Variants in NCOA7 observed in about 807,000 individuals in gnomAD.
NCOA7 encodes nuclear receptor coactivator 7.
Under a neutral mutation model 104.3 loss-of-function variants are expected in NCOA7, and 45 were observed. The ratio of observed to expected loss-of-function variants is 0.43; its 90% CI spans 0.34 to 0.55. The LOEUF (loss-of-function observed/expected upper bound fraction) is 0.55, where lower values mean the gene tolerates loss of function less well. Among genes scored for constraint, NCOA7 ranks in the 20% least tolerant of loss-of-function variants. The pLI, the probability that NCOA7 is intolerant of heterozygous loss-of-function variation, is 0.02. For synonymous variants in NCOA7, 398 were observed against 402.3 expected (o/e 0.99, Z 0.13); for missense variants, 1,041 against 1,119.7 (o/e 0.93, Z 1.00).
At chr6:125,927,343 A>G (rs542120240) in intron 13 of NCOA7, among the ~76,000 whole-genome samples, 10 of 152,354 alleles carry the variant, frequency 6.6e-5, no homozygotes, top group African/African-American at 2.4e-4. Flanking sequence ...TGTATATTCA[A>G]TAACAGAAAT....
At chr6:125,899,485 AC>A (rs1485933145) in intron 10 of NCOA7, among the ~76,000 whole-genome samples, 1 of 152,168 alleles carries the variant, frequency 6.6e-6, no homozygotes, top group Non-Finnish European at 1.5e-5. Flanking sequence ...CAGAATACAA[AC>A]CCTGTGATTC....
rs980968621 is a variant in NCOA7, at chr6:125,855,110, A to C, written c.141A>C (p.Thr47=). Residue 47 remains threonine, a synonymous_variant, in exon 3 of 16, where the codon ACA becomes ACC. Transcript: ENST00000392477. ...ATACTGGGAAGGAAGATAATAATAC[A>C]GTAGTTTTAGAGCCAGACAAGTGCA... The part of the protein sequence containing the change: ...RTHTGKEDNN[T]VVLEPDKCNI... 7.4e-6 allele frequency: 12 copies of C among 1,613,284 alleles called. No individual in the cohort carries two copies. The highest frequency in any genetic ancestry group is 9.3e-6 in the Non-Finnish European group (11 of 1,179,798).
intron 8 of NCOA7, among the ~76,000 whole-genome samples, chr6:125,885,590 T>C (rs975114383): frequency 3.3e-5 from 5 of 152,202 alleles, no homozygotes; most frequent in African/African-American, 1.2e-4. Context: ...ATAGTATTTG[T>C]TGGGCTTATT....
intron 2 of NCOA7, among the ~76,000 whole-genome samples, chr6:125,845,070 A>G (rs1246269172): frequency 6.6e-6 from 1 of 152,216 alleles, no homozygotes; most frequent in Non-Finnish European, 1.5e-5. Context: ...AAAGTACAAG[A>G]CGATTCAAAC....
chr6:125,928,047 G>C lies in NCOA7; in HGVS notation c.2620-127G>C, dbSNP rs572901501. ...ATCCTGGTGTGGGCCAGGTCTGGCA[G>C]TCAGGAACTTCCTCCGTCAATGGGG... On this transcript the variant is annotated intron_variant, in intron 14 of 15. Transcript: ENST00000392477. 2.3e-5 allele frequency: 21 copies of C among 908,124 alleles called. 1 individual carries two copies. In the South Asian group the frequency reaches 2.5e-4, roughly 11 times the overall value. 56.3% of individuals were successfully genotyped at this position (908,124 alleles called of 1,614,324 possible).
intron 5 of NCOA7, among the ~76,000 whole-genome samples, chr6:125,879,062 G>A (rs1193152117): frequency 6.6e-6 from 1 of 152,058 alleles, no homozygotes; most frequent in Non-Finnish European, 1.5e-5. Flanking sequence ...ACTATTAGTG[G>A]AGAATTGCTT....
chr6:125,802,924 G>T (rs1776042161), intron 1 of NCOA7, among the ~76,000 whole-genome samples: 1 of 152,132 alleles, frequency 6.6e-6, no homozygotes, highest in South Asian at 2.1e-4. Flanking sequence ...CATATTCCCT[G>T]CTGCTTAGAC....
intron 10 of NCOA7, among the ~76,000 whole-genome samples, chr6:125,895,690 C>T (rs953491830): frequency 1.3e-4 from 20 of 152,202 alleles, no homozygotes; most frequent in African/African-American, 4.1e-4. Flanking sequence ...GCTTACAACA[C>T]CAAGGCAGAA....
chr6:125,928,042 T>C (rs1243667942), intron 14 of NCOA7, 132 bp from the exon 15 acceptor site: 2 of 864,484 alleles, frequency 2.3e-6, no homozygotes, highest in African/African-American at 3.4e-5. Flanking sequence ...GGGCCAGGTC[T>C]GGCAGTCAGG....
At chr6:125,794,924 G>C (rs1340280866) in intron 1 of NCOA7, among the ~76,000 whole-genome samples, 1 of 152,172 alleles carries the variant, frequency 6.6e-6, no homozygotes, top group Non-Finnish European at 1.5e-5. Flanking sequence ...TCACCAGAGT[G>C]AATCGACAAT....
chr6:125,915,620 C>G, intron 11 of NCOA7, 140 bp downstream of exon 11: 2 of 1,037,820 alleles, frequency 1.9e-6, no homozygotes, highest in Non-Finnish European at 2.7e-6. Flanking sequence ...TAACTTTATT[C>G]CTCCGTTTGA....
rs1342034380 is a variant in NCOA7 at position 125,865,814 on chromosome 6, G to A, written c.272-9075G>A. 1.5e-5 allele frequency among the ~76,000 whole-genome samples: 2 copies of A among 134,816 alleles called. 1 individual carries two copies. The highest frequency in any genetic ancestry group is 3.1e-5 in the Non-Finnish European group (2 of 63,886). The allele number at this position is 134,816 out of a possible 152,430, so 88.4% of individuals were successfully genotyped here. ...AAGTAGCGGGGACTATAGGCATGTAGCACCACGCCTGGCTAATTTTTATAT... is the reference window on the plus strand; with the variant it reads ...AAGTAGCGGGGACTATAGGCATGTAACACCACGCCTGGCTAATTTTTATAT... On this transcript the variant is annotated intron_variant, in intron 3 of 15. Transcript: ENST00000392477.
chr6:125,877,998 G>A (rs757616272), intron 4 of NCOA7, among the ~76,000 whole-genome samples: 6 of 152,060 alleles, frequency 3.9e-5, no homozygotes, highest in Non-Finnish European at 2.9e-5. Context: ...TACTTCATGC[G>A]CCTCAGTTGC....
chr6:125,819,141 A>T lies in NCOA7; in HGVS notation c.50+3737A>T, dbSNP rs140526081. ...AGTTTTTCCTCCTGAGTAGTTAAAT[A>T]GCCAATGTTTTCTTTGTGTGCTATC... On this transcript the variant is annotated intron_variant, in intron 2 of 15. Coordinates refer to ENST00000392477, the MANE Select transcript of NCOA7 (RefSeq NM_181782.5). Among the ~76,000 whole-genome samples, 1,345 of 152,212 alleles carry T rather than the reference A, an allele frequency of 8.8e-3. 15 individuals are homozygous for T. The highest frequency in any genetic ancestry group is 0.031 in the African/African-American group (1,278 of 41,538).
At chr6:125,825,409 T>TAAATC (rs1172542316) in intron 2 of NCOA7, among the ~76,000 whole-genome samples, 1 of 152,208 alleles carries the variant, frequency 6.6e-6, no homozygotes, top group Non-Finnish European at 1.5e-5. Context: ...TGGAGTGACT[T>TAAATC]AAATCAAATC....
chr6:125,901,930 C>T (rs1255053452), intron 10 of NCOA7, among the ~76,000 whole-genome samples: 2 of 152,128 alleles, frequency 1.3e-5, no homozygotes, highest in Admixed American at 6.5e-5. Context: ...CTCCTCCGAC[C>T]GTCCCCGACC....
intron 2 of NCOA7, among the ~76,000 whole-genome samples, chr6:125,841,278 A>C (rs1780148451): frequency 6.6e-6 from 1 of 152,090 alleles, no homozygotes; most frequent in Non-Finnish European, 1.5e-5. Flanking sequence ...CATGCTGTAC[A>C]GTTTTGTAGC....
intron 1 of NCOA7, among the ~76,000 whole-genome samples, chr6:125,799,250 C>T (rs559627148): frequency 1.1e-3 from 167 of 151,002 alleles, no homozygotes; most frequent in Non-Finnish European, 2.0e-3. Context: ...CCTCCCAAGC[C>T]TTTGCTGTCC....
chr6:125,833,101 C>T (rs1003292661), intron 2 of NCOA7, among the ~76,000 whole-genome samples: 3 of 152,018 alleles, frequency 2.0e-5, no homozygotes, highest in Admixed American at 6.6e-5. Flanking sequence ...TTTGTGTTGC[C>T]GCAGAGTGAA....
Sources: gnomAD v4.1 joint callset for allele counts (sites outside exome capture counted in the v4.1 genomes callset) on GRCh38, gnomAD v4.1.1 for gene constraint, MANE v1.5 for transcripts, NCBI Gene and HGNC (gene_info 2026-07-23, HGNC 2026-07-21) for gene names.